OPCML: variants seen among roughly 807,000 people sequenced by gnomAD.
OPCML encodes opioid binding protein/cell adhesion molecule like, also known as opioid-binding protein/cell adhesion molecule.
Under a neutral mutation model 37.8 loss-of-function variants are expected in OPCML, and 13 were observed. The ratio of observed to expected loss-of-function variants is 0.34; its 90% CI spans 0.22 to 0.55. OPCML has a LOEUF of 0.55. Ranked by LOEUF, OPCML falls within the 20% of genes least tolerant of loss-of-function variation. The pLI is 0.91. For synonymous variants in OPCML, 176 were observed against 168.8 expected (o/e 1.04, Z -0.33); for missense variants, 341 against 435.6 (o/e 0.78, Z 1.93).
chr11:133,107,179 G>A (rs1368031601), intron 1 of OPCML, among the ~76,000 whole-genome samples: 3 of 152,320 alleles, frequency 2.0e-5, no homozygotes, highest in East Asian at 3.9e-4. Flanking sequence ...CTTCTGTAGT[G>A]TCAGTGGTGA....
chr11:132,499,586 AG>A, intron 4 of OPCML, among the ~76,000 whole-genome samples: 1 of 152,330 alleles, frequency 6.6e-6, no homozygotes, highest in African/African-American at 2.4e-5. Context: ...CATGTTTAAA[AG>A]CTCAAAGTCT....
intron 1 of OPCML, among the ~76,000 whole-genome samples, chr11:133,230,844 C>A (rs906540416): frequency 6.6e-6 from 1 of 152,132 alleles, no homozygotes; most frequent in South Asian, 2.1e-4. Flanking sequence ...GCAGATCTGG[C>A]ACTAGTATCC....
At chr11:132,904,258 GA>G (rs1467260127) in intron 2 of OPCML, among the ~76,000 whole-genome samples, 1 of 152,182 alleles carries the variant, frequency 6.6e-6, no homozygotes, top group Non-Finnish European at 1.5e-5. Flanking sequence ...ACACAGAGGA[GA>G]ATGCATTTCT....
At chr11:133,045,216 G>A (rs943878719) in intron 1 of OPCML, among the ~76,000 whole-genome samples, 2 of 152,118 alleles carry the variant, frequency 1.3e-5, no homozygotes, top group African/African-American at 4.8e-5. Context: ...CACACCTCTG[G>A]CAGGATGGAT....
intron 1 of OPCML, among the ~76,000 whole-genome samples, chr11:133,031,269 T>G (rs1198028486): frequency 6.6e-6 from 1 of 150,498 alleles, no homozygotes; most frequent in Non-Finnish European, 1.5e-5. Flanking sequence ...ACAGGTTAAA[T>G]AAGTGGATGA....
intron 3 of OPCML, among the ~76,000 whole-genome samples, chr11:132,618,735 A>C (rs1014383813): frequency 3.3e-5 from 5 of 152,114 alleles, no homozygotes; most frequent in Non-Finnish European, 4.4e-5. Context: ...TGTGGCATTA[A>C]TTACATTTAA....
chr11:132,564,641 A>G (rs4331101), intron 3 of OPCML, among the ~76,000 whole-genome samples: 47,826 of 152,032 alleles, frequency 0.31, 9,124 homozygotes, highest in Non-Finnish European at 0.44. Flanking sequence ...GGCTTCCAAA[A>G]TGATGTGATG....
At chr11:133,128,786 A>G (rs1212516183) in intron 1 of OPCML, among the ~76,000 whole-genome samples, 1 of 152,126 alleles carries the variant, frequency 6.6e-6, no homozygotes, top group African/African-American at 2.4e-5. Flanking sequence ...CAGGAGAGGG[A>G]GAGCTGTTAC....
chr11:132,861,038 A>C (rs185211155), intron 2 of OPCML, among the ~76,000 whole-genome samples: 6 of 152,348 alleles, frequency 3.9e-5, no homozygotes, highest in Admixed American at 2.0e-4. Context: ...TTTTGCAGAT[A>C]TTTTAATTCA....
intron 1 of OPCML, among the ~76,000 whole-genome samples, chr11:133,340,123 G>A (rs12416922): frequency 0.17 from 26,214 of 152,140 alleles, 2,864 homozygotes; most frequent in African/African-American, 0.3. Context: ...TGTCTACATG[G>A]CAGTGAGAAC....
chr11:132,574,489 A>G (rs147780106), intron 3 of OPCML, among the ~76,000 whole-genome samples: 329 of 151,994 alleles, frequency 2.2e-3, no homozygotes, highest in African/African-American at 7.3e-3. Flanking sequence ...GCAGTATTAC[A>G]TAATTTTTTA....
chr11:132,564,432 A>C lies in OPCML; in HGVS notation c.380-35246T>G, dbSNP rs961841140. On this transcript the variant is annotated intron_variant, in intron 3 of 7. Coordinates refer to ENST00000524381, the MANE Select transcript of OPCML (RefSeq NM_001012393.5). ...CTTCCCAGATTGTCAGTTCTCAGCAATCAGAGAACACATCTCTTATTTCTT... is the reference window on the plus strand; with the variant it reads ...CTTCCCAGATTGTCAGTTCTCAGCACTCAGAGAACACATCTCTTATTTCTT... Among the ~76,000 whole-genome samples, 10 of 152,324 alleles carry C rather than the reference A, an allele frequency of 6.6e-5. 1 individual carries two copies. The highest frequency in any genetic ancestry group is 1.9e-4 in the East Asian group (1 of 5,180).
chr11:132,862,935 A>G (rs1306850159), intron 2 of OPCML, among the ~76,000 whole-genome samples: 2 of 152,250 alleles, frequency 1.3e-5, no homozygotes, highest in Non-Finnish European at 2.9e-5. Flanking sequence ...CTTATCTGGC[A>G]TGGTTACACT....
rs750914544 is a variant in OPCML at position 132,437,246 on chromosome 11, G to T, written c.619C>A (p.Arg207=). The change falls in exon 5 of 8, where the codon CGG becomes AGG. Residue 207 remains arginine, a synonymous_variant. Transcript: ENST00000524381. The part of the protein sequence containing the change: ...ALNDVAAPDV[R]KVKITVNYPP... Reference sequence around the variant, plus strand: ...CAGTTTACAGTGATTTTTACTTTCCGCACATCGGGCGCAGCGACATCGTTC... The same window carrying T: ...CAGTTTACAGTGATTTTTACTTTCCTCACATCGGGCGCAGCGACATCGTTC... 2 of 1,613,922 alleles carry T rather than the reference G, an allele frequency of 1.2e-6. No individual in the cohort carries two copies. The highest frequency in any genetic ancestry group is 1.7e-5 in the Admixed American group (1 of 59,982).
At position 132,776,039 on chromosome 11, in the gene OPCML, C is replaced by A. The variant is rs139283738; in HGVS notation, c.147-118720G>T. Reference sequence around the variant, plus strand: ...TTGCCTCCTGGGTTCCAGTGATTCTCCCACCTCAGCCTCCCAAGTAGCTGG... The same window carrying A: ...TTGCCTCCTGGGTTCCAGTGATTCTACCACCTCAGCCTCCCAAGTAGCTGG... On this transcript the variant is annotated intron_variant, in intron 2 of 7. Transcript: ENST00000524381. 9.7e-4 allele frequency among the ~76,000 whole-genome samples: 148 copies of A among 152,256 alleles called. 1 individual carries two copies. Among genetic ancestry groups the A allele is most frequent in the African/African-American group, 3.3e-3 (138 of 41,550 alleles).
intron 1 of OPCML, among the ~76,000 whole-genome samples, chr11:133,202,852 A>G (rs1440258052): frequency 3.9e-5 from 6 of 152,186 alleles, no homozygotes; most frequent in Admixed American, 3.9e-4. Flanking sequence ...GGCCATGAGA[A>G]TACATAGGCT....
At chr11:132,688,568 G>T (rs1176891118) in intron 2 of OPCML, among the ~76,000 whole-genome samples, 1 of 152,118 alleles carries the variant, frequency 6.6e-6, no homozygotes, top group Non-Finnish European at 1.5e-5. Context: ...TATATTCAAT[G>T]CAGCCTGGAA....
At chr11:133,086,580 AC>A (rs1948822071) in intron 1 of OPCML, among the ~76,000 whole-genome samples, 1 of 152,208 alleles carries the variant, frequency 6.6e-6, no homozygotes, top group Non-Finnish European at 1.5e-5. Context: ...AAGGTGTACA[AC>A]GTGATGATTT....
At chr11:132,621,866 G>C (rs1247739172) in intron 3 of OPCML, among the ~76,000 whole-genome samples, 1 of 152,122 alleles carries the variant, frequency 6.6e-6, no homozygotes, top group Non-Finnish European at 1.5e-5. Flanking sequence ...AAAACCCATA[G>C]CTTTTGGATG....
Sources: allele counts gnomAD v4.1 joint callset (sites outside exome capture counted in the v4.1 genomes callset), GRCh38; gene constraint gnomAD v4.1.1; transcripts MANE v1.5; gene names NCBI Gene and HGNC (gene_info 2026-07-23, HGNC 2026-07-21).